The following ADAMTS20 variants were observed in gnomAD, a reference collection of about 807,000 sequenced individuals.
The protein encoded by ADAMTS20 is ADAM metallopeptidase with thrombospondin type 1 motif 20, also known as A disintegrin and metalloproteinase with thrombospondin motifs 20.
A neutral mutation model predicts 260.1 loss-of-function variants in ADAMTS20; 225 were observed. That is an observed-to-expected ratio of 0.87 (90% confidence interval 0.78 to 0.97). The LOEUF (loss-of-function observed/expected upper bound fraction) is 0.97. Among genes scored for constraint, ADAMTS20 ranks in the 50% least tolerant of loss-of-function variants. The probability of loss-of-function intolerance (pLI) is 0.00; values close to 1 mark genes in which losing one functional copy is unlikely to be tolerated. For missense variants in ADAMTS20, 2,400 were observed against 2,337.7 expected, an observed-to-expected ratio of 1.03 and a Z score of -0.55; for synonymous variants, 802 against 769.5, an observed-to-expected ratio of 1.04 and a Z score of -0.70.
rs1292028555 is a variant in ADAMTS20 at position 43,427,370 on chromosome 12, G to A, written c.4045C>T (p.Pro1349Ser). Reference protein sequence around the residue: ...ASYCDAASKPPELQQCGPGPC... With the variant: ...ASYCDAASKPSELQQCGPGPC... ...CCTGGACCACATTGCTGTAACTCTG[G>A]AGGCTTGGAGGCTGCATCGCAGTAA... The change falls in exon 27 of 39, where the codon CCA (proline) becomes TCA (serine). Residue 1349 changes from proline (P) to serine (S), a missense_variant. Physicochemically the swap from Pro to Ser is moderately conservative, Grantham distance 74 (BLOSUM62 -1). Coordinates refer to ENST00000389420, the MANE Select transcript of ADAMTS20 (RefSeq NM_025003.5). 3.7e-6 allele frequency: 6 copies of A among 1,613,772 alleles called. No homozygotes were observed. The highest frequency in any genetic ancestry group is 5.1e-6 in the Non-Finnish European group (6 of 1,179,868).
chr12:43,378,335 G>A (rs1039626173), intron 31 of ADAMTS20, among the ~76,000 whole-genome samples: 3 of 152,170 alleles, frequency 2.0e-5, no homozygotes, highest in African/African-American at 7.2e-5. Context: ...ATACCTGTGA[G>A]GACACCAACC....
At chr12:43,439,820 GATA>G in intron 17 of ADAMTS20, 69 bp from the exon 18 acceptor site, 3 of 1,551,648 alleles carry the variant, frequency 1.9e-6, no homozygotes, top group African/African-American at 1.4e-5. Flanking sequence ...TTTTATATTT[GATA>G]ATGTTAAGCA....
Position 43,551,361 on chromosome 12 carries a change from C to T in ADAMTS20, c.92-91G>A, listed in dbSNP as rs1045306248. 7 of 1,502,880 alleles carry T rather than the reference C, an allele frequency of 4.7e-6. No individual in the cohort carries two copies. The highest frequency in any genetic ancestry group is 6.2e-6 in the Non-Finnish European group (7 of 1,126,292). 93.1% of individuals were successfully genotyped at this position (1,502,880 alleles called of 1,614,324 possible). On this transcript the variant is annotated intron_variant, in intron 1 of 38. Transcript: ENST00000389420. This position sits in a 1 kb window ranked among gnomAD's most constrained non-coding sequence, Gnocchi z 4.6. Reference sequence around the variant, plus strand: ...TCCACCAAACGTCCCCGCTAAAGGTCCCAGGTCCCAGTACAGCCAGGGGCA... The same window carrying T: ...TCCACCAAACGTCCCCGCTAAAGGTTCCAGGTCCCAGTACAGCCAGGGGCA...
At chr12:43,477,438 T>C (rs1452348348) in intron 7 of ADAMTS20, among the ~76,000 whole-genome samples, 1 of 152,096 alleles carries the variant, frequency 6.6e-6, no homozygotes, top group African/African-American at 2.4e-5. Flanking sequence ...GAGGAAGAAA[T>C]TCAGTCTGTT....
At chr12:43,471,327 AGGGT>A (rs1942255911) in intron 7 of ADAMTS20, among the ~76,000 whole-genome samples, 1 of 150,518 alleles carries the variant, frequency 6.6e-6, no homozygotes, top group Non-Finnish European at 1.5e-5. Flanking sequence ...CCTGGCTCGG[AGGGT>A]CCTACGCCCA....
In ADAMTS20 at chr12:43,359,105, C is replaced by G. The variant is rs556420569; in HGVS notation, c.5539-2517G>C. Among the ~76,000 whole-genome samples, 5 of 152,158 alleles carry G rather than the reference C, an allele frequency of 3.3e-5. 1 individual carries two copies. The South Asian group carries it at 8.3e-4, about 25-fold the overall frequency. The stretch of plus-strand genomic sequence containing the variant: ...GTATGAAATGTCAGGAGAGTAGATA[C>G]GTAGTATGAAACTTACCTCTTCTTC... On this transcript the variant is annotated intron_variant, in intron 37 of 38. Transcript: ENST00000389420.
intron 11 of ADAMTS20, among the ~76,000 whole-genome samples, chr12:43,462,414 G>T (rs1315106196): frequency 6.6e-6 from 1 of 152,174 alleles, no homozygotes; most frequent in Non-Finnish European, 1.5e-5. Flanking sequence ...GAATAATAAA[G>T]ACCTAGCATG....
In ADAMTS20 at chr12:43,464,709, A is replaced by T. The variant is rs910184732; in HGVS notation, c.1391T>A (p.Leu464His). ...ATATATTTCTTCATCTGGTTTGTCA[A>T]GAAGACATTCCCCGTAACCAGTACT... ...FLDTGYGECL[L>H]DKPDEEIYNL... Residue 464 changes from leucine (L) to histidine (H), a missense_variant, in exon 10 of 39, where the codon CTT (leucine) becomes CAT (histidine). Coordinates refer to ENST00000389420, the MANE Select transcript of ADAMTS20 (RefSeq NM_025003.5). 1.9e-6 allele frequency: 3 copies of T among 1,613,126 alleles called. No homozygotes were observed. In the African/African-American group the frequency reaches 4.0e-5, roughly 21 times the overall value.
At chr12:43,501,479 G>GCA (rs746038595) in intron 4 of ADAMTS20, among the ~76,000 whole-genome samples, 93 of 67,128 alleles carry the variant, frequency 1.4e-3, no homozygotes, top group Middle Eastern at 0.019. Context: ...GCGCGCGCGC[G>GCA]CGCACACACA....
At chr12:43,430,261 T>C (rs1941415103) in intron 23 of ADAMTS20, 91 bp downstream of exon 23, 1 of 1,428,558 alleles carries the variant, frequency 7.0e-7, no homozygotes, top group Non-Finnish European at 9.3e-7. Flanking sequence ...CAAGTTTAAG[T>C]GGAAAAAAAT....
chr12:43,372,825 G>C (rs1940135666), intron 36 of ADAMTS20, among the ~76,000 whole-genome samples: 1 of 152,214 alleles, frequency 6.6e-6, no homozygotes, highest in South Asian at 2.1e-4. Flanking sequence ...AGGTAGGCTG[G>C]TAGATGTGGC....
At chr12:43,456,925 G>A (rs1256001940) in intron 11 of ADAMTS20, among the ~76,000 whole-genome samples, 2 of 152,182 alleles carry the variant, frequency 1.3e-5, no homozygotes, top group Non-Finnish European at 2.9e-5. Context: ...TGGCAGGAAA[G>A]TTGTTTACTG....
chr12:43,397,246 A>G (rs751723552), intron 29 of ADAMTS20, among the ~76,000 whole-genome samples: 1 of 152,208 alleles, frequency 6.6e-6, no homozygotes, highest in Non-Finnish European at 1.5e-5. Context: ...ATTGTCGCCA[A>G]GAGGAAAAGA....
chr12:43,516,355 T>C (rs1448497250), intron 3 of ADAMTS20, among the ~76,000 whole-genome samples: 2 of 152,216 alleles, frequency 1.3e-5, no homozygotes, highest in African/African-American at 4.8e-5. Context: ...CAGATTCTAA[T>C]TGCAAATAAT....
At chr12:43,447,904 G>A (rs1197426042) in intron 14 of ADAMTS20, among the ~76,000 whole-genome samples, 2 of 151,758 alleles carry the variant, frequency 1.3e-5, no homozygotes, top group African/African-American at 2.4e-5. Context: ...GCCACCAAAC[G>A]AATAAGATAC....
chr12:43,518,507 T>C (rs552106101), intron 3 of ADAMTS20, among the ~76,000 whole-genome samples: 2 of 152,200 alleles, frequency 1.3e-5, no homozygotes, highest in African/African-American at 4.8e-5. Context: ...GCATGCCCCA[T>C]AGTTCAGTCT....
At chr12:43,361,714 C>T (rs941736616) in intron 37 of ADAMTS20, among the ~76,000 whole-genome samples, 1 of 152,174 alleles carries the variant, frequency 6.6e-6, no homozygotes, top group African/African-American at 2.4e-5. Context: ...ATGGAAATAG[C>T]TATCTTATGA....
chr12:43,412,772 T>C (rs544787593), intron 28 of ADAMTS20, among the ~76,000 whole-genome samples: 2 of 151,500 alleles, frequency 1.3e-5, no homozygotes, highest in South Asian at 2.1e-4. Context: ...TGCCCTTAGA[T>C]AGATTCTCTA....
rs1410899520 is a variant in ADAMTS20 at position 43,405,229 on chromosome 12, C to CCAAAAAAAAAAAA, written c.4285-5997_4285-5996insTTTTTTTTTTTTG. 1.0e-3 allele frequency among the ~76,000 whole-genome samples: 54 copies of CCAAAAAAAAAAAA among 52,780 alleles called. 12 individuals carry two copies. The highest frequency in any genetic ancestry group is 5.4e-3 in the East Asian group (11 of 2,022). The allele number at this position is 52,780 out of a possible 152,430, so 34.6% of individuals were successfully genotyped here. On this transcript the variant is annotated intron_variant, in intron 28 of 38. Coordinates refer to ENST00000389420, the MANE Select transcript of ADAMTS20 (RefSeq NM_025003.5). ...GTAACAAAATGAGACCTCATCTCTA[C>CCAAAAAAAAAAAA]AAAAAAAAAAAAAAAAAAAAAAAAA...
Sources: gnomAD v4.1 joint callset for allele counts (sites outside exome capture counted in the v4.1 genomes callset) on GRCh38, gnomAD v4.1.1 for gene constraint, Gnocchi (gnomAD v3.1) non-coding constraint, MANE v1.5 for transcripts, NCBI Gene and HGNC (gene_info 2026-07-23, HGNC 2026-07-21) for gene names.